IQGAP1: variants seen among roughly 807,000 people sequenced by gnomAD.
The protein encoded by IQGAP1 is ras GTPase-activating-like protein IQGAP1.
Under a neutral mutation model 215.6 loss-of-function variants are expected in IQGAP1, and 66 were observed. The ratio of observed to expected loss-of-function variants is 0.31; its 90% confidence interval spans 0.25 to 0.38. The LOEUF (loss-of-function observed/expected upper bound fraction) is 0.38, where lower values mean the gene tolerates loss of function less well. IQGAP1 is among the 10% of genes least tolerant of loss of function. The probability of loss-of-function intolerance (pLI) is 1.00; values close to 1 mark genes in which losing one functional copy is unlikely to be tolerated. For synonymous variants in IQGAP1, 772 were observed against 728.7 expected, an observed-to-expected ratio of 1.06 and a Z score of -0.96; for missense variants, 1,712 against 1,997.1, an observed-to-expected ratio of 0.86 and a Z score of 2.72.
In IQGAP1 at chr15:90,480,874, G is replaced by T. The variant is rs530742935; in HGVS notation, c.3330-1086G>T. Among the ~76,000 whole-genome samples, 4 of 152,244 alleles carry T rather than the reference G, an allele frequency of 2.6e-5. No homozygotes were observed. The East Asian group carries it at 7.7e-4, about 29-fold the overall frequency. On this transcript the variant is annotated intron_variant, in intron 26 of 37. Transcript: ENST00000268182. Reference sequence around the variant, plus strand: ...GTAAAGATGGGGTTTCTCCATGTTGGCCAGGCTGGTCTCAAACTCCTGACC... The same window carrying T: ...GTAAAGATGGGGTTTCTCCATGTTGTCCAGGCTGGTCTCAAACTCCTGACC...
rs201110512 is a variant in IQGAP1, at chr15:90,472,974, C to T, written c.2313C>T (p.Phe771=). The change falls in exon 19 of 38, where the codon TTC becomes TTT. Residue 771 remains phenylalanine, a synonymous_variant. Coordinates refer to ENST00000268182, the MANE Select transcript of IQGAP1 (RefSeq NM_003870.4). ...VRQEFRSRMN[F]LKKQIPAITC... ...AGGAATTCCGATCCAGGATGAATTT[C>T]CTGAAGAAACAAATCCCTGCCATCA... The T allele has an allele frequency of 1.9e-4, 304 of 1,613,818 alleles. No individual in the cohort carries two copies. The highest frequency in any genetic ancestry group is 2.5e-4 in the Non-Finnish European group (298 of 1,179,960).
chr15:90,396,024 T>A (rs1964714182), intron 2 of IQGAP1, among the ~76,000 whole-genome samples: 1 of 152,224 alleles, frequency 6.6e-6, no homozygotes. Context: ...GTAGGAACGC[T>A]GGCTGGTTGG....
chr15:90,452,804 G>A lies in IQGAP1; in HGVS notation c.1192G>A (p.Ala398Thr), dbSNP rs781205005. The A allele has an allele frequency of 1.2e-6, 2 of 1,613,998 alleles. No homozygotes were observed. The highest frequency in any genetic ancestry group is 1.7e-5 in the Admixed American group (1 of 59,996). The part of the protein sequence containing the change: ...RLAAVALINA[A>T]IQKGVAEKTV... Reference sequence around the variant, plus strand: ...GGCAGCAGTAGCACTGATTAATGCTGCAATCCAGAAGGGTGTTGCTGAGAA... The same window carrying A: ...GGCAGCAGTAGCACTGATTAATGCTACAATCCAGAAGGGTGTTGCTGAGAA... The change falls in exon 12 of 38, where the codon GCA becomes ACA. Residue 398 changes from alanine (A) to threonine (T), a missense_variant. Ala to Thr is a moderately conservative substitution (Grantham distance 58, BLOSUM62 0). Transcript: ENST00000268182.
intron 26 of IQGAP1, among the ~76,000 whole-genome samples, chr15:90,481,269 CTTTT>C (rs57452745): frequency 1.3e-4 from 15 of 113,180 alleles, no homozygotes; most frequent in African/African-American, 3.7e-4. Context: ...CTCTCTGCCT[CTTTT>C]TTTTTTTTTT....
intron 26 of IQGAP1, 47 bp downstream of exon 26, chr15:90,477,936 T>A: frequency 8.3e-7 from 1 of 1,208,442 alleles, no homozygotes; most frequent in Non-Finnish European, 1.2e-6. Flanking sequence ...TTATAGTCTT[T>A]CCCTCTTTTT....
rs763941236 is a variant in IQGAP1, at chr15:90,500,970, TTA to T, written c.*866_*867del. 15 of 152,656 alleles carry T rather than the reference TTA, an allele frequency of 9.8e-5. No individual in the cohort carries two copies. The highest frequency in any genetic ancestry group is 1.6e-4 in the Non-Finnish European group (11 of 68,036). 9.5% of individuals were successfully genotyped at this position (152,656 alleles called of 1,614,324 possible). On this transcript the variant is annotated 3_prime_UTR_variant, in exon 38 of 38. Coordinates refer to ENST00000268182, the MANE Select transcript of IQGAP1 (RefSeq NM_003870.4). ...GAATGTCATTGTTTTTAAAACTGTT[TTA>T]TATCTTAAGAGTGCCTTATTAAAGT...
chr15:90,440,232 C>CG (rs1187572715), intron 6 of IQGAP1, among the ~76,000 whole-genome samples: 3 of 152,174 alleles, frequency 2.0e-5, no homozygotes, highest in Admixed American at 2.0e-4. Flanking sequence ...TAGGAAATGC[C>CG]ATAAGTAGCA....
In IQGAP1 at chr15:90,475,128, A is replaced by G. The variant is rs988610159; in HGVS notation, c.2784+435A>G. ...ATTCTCCTGCCTCAGCCTCCCAAGT[A>G]GCTGGGATTACAGGCGCATGCCACT... On this transcript the variant is annotated intron_variant, in intron 23 of 37. Coordinates refer to ENST00000268182, the MANE Select transcript of IQGAP1 (RefSeq NM_003870.4). Among the ~76,000 whole-genome samples, 62 of 150,338 alleles carry G rather than the reference A, an allele frequency of 4.1e-4. 2 individuals are homozygous for G. Among genetic ancestry groups the G allele is most frequent in the Non-Finnish European group, 2.9e-5 (2 of 67,846 alleles).
intron 15 of IQGAP1, among the ~76,000 whole-genome samples, chr15:90,461,344 A>G (rs1476273805): frequency 3.3e-5 from 5 of 151,990 alleles, no homozygotes; most frequent in Non-Finnish European, 5.9e-5. Context: ...CAGTGTACCA[A>G]TGTTTTTTGT....
intron 18 of IQGAP1, among the ~76,000 whole-genome samples, chr15:90,469,861 T>C (rs1965882004): frequency 1.3e-5 from 2 of 152,120 alleles, no homozygotes; most frequent in Admixed American, 1.3e-4. Context: ...TGAAAGGACA[T>C]GGACCACTGA....
chr15:90,481,465 C>T (rs1234597987), intron 26 of IQGAP1, among the ~76,000 whole-genome samples: 3 of 151,966 alleles, frequency 2.0e-5, no homozygotes, highest in African/African-American at 7.3e-5. Flanking sequence ...TCATGGCCTG[C>T]TCCCTGTCTG....
At chr15:90,436,847 TAAAAG>T (rs1196572851) in intron 5 of IQGAP1, among the ~76,000 whole-genome samples, 1 of 152,230 alleles carries the variant, frequency 6.6e-6, no homozygotes, top group Non-Finnish European at 1.5e-5. Context: ...TAAAGAGAGT[TAAAAG>T]AAAGATGGTG....
At chr15:90,487,642 A>G in intron 33 of IQGAP1, 60 bp downstream of exon 33, 1 of 1,153,270 alleles carries the variant, frequency 8.7e-7, no homozygotes, top group African/African-American at 1.5e-5. Flanking sequence ...CGATAGGCGC[A>G]TGTCAGAGAA....
intron 28 of IQGAP1, 155 bp from the exon 29 acceptor site, chr15:90,483,206 T>G: frequency 1.7e-6 from 1 of 592,852 alleles, no homozygotes; most frequent in Non-Finnish European, 3.0e-6. Context: ...TGAGAGAGAG[T>G]GTGTATATGT....
chr15:90,493,160 C>A (rs1966228910), intron 35 of IQGAP1, among the ~76,000 whole-genome samples: 1 of 151,684 alleles, frequency 6.6e-6, no homozygotes, highest in African/African-American at 2.4e-5. Context: ...GGAGAATTAC[C>A]TGAACCTGGG....
rs1270417008 is a variant in IQGAP1, at chr15:90,496,305, CCTTTTTTTTTTT to C, written c.4752-926_4752-915del. ...TGATCATCCAGAGAACAGCATAATC[CCTTTTTTTTTTT>C]TTTTTTTTTTTTTTTTTTGAGACGG... On this transcript the variant is annotated intron_variant, in intron 36 of 37. Coordinates refer to ENST00000268182, the MANE Select transcript of IQGAP1 (RefSeq NM_003870.4). Among the ~76,000 whole-genome samples the C allele has an allele frequency of 3.8e-3, 446 of 118,190 alleles. 2 individuals are homozygous for C. Among genetic ancestry groups the C allele is most frequent in the Non-Finnish European group, 5.3e-3 (333 of 63,080 alleles). The allele number at this position is 118,190 out of a possible 152,430, so 77.5% of individuals were successfully genotyped here. A position where few individuals can be genotyped will look rare whatever the true frequency, so the allele number is the denominator to read the frequency against.
intron 2 of IQGAP1, among the ~76,000 whole-genome samples, chr15:90,425,205 G>A (rs1965203844): frequency 6.6e-6 from 1 of 152,060 alleles, no homozygotes; most frequent in Non-Finnish European, 1.5e-5. Context: ...AGCTACTCAG[G>A]AAGCTGAGGC....
At chr15:90,396,862 T>C (rs1369136723) in intron 2 of IQGAP1, among the ~76,000 whole-genome samples, 1 of 152,074 alleles carries the variant, frequency 6.6e-6, no homozygotes, top group Non-Finnish European at 1.5e-5. Context: ...AAAATTTTTT[T>C]TTTTTTTGGA....
At chr15:90,491,200 G>C (rs574790914) in intron 33 of IQGAP1, 133 bp from the exon 34 acceptor site, 5 of 684,110 alleles carry the variant, frequency 7.3e-6, no homozygotes, top group Non-Finnish European at 1.2e-5. Flanking sequence ...TTGGCAGGGG[G>C]CAGAATTTGT....
Sources: allele counts gnomAD v4.1 joint callset (sites outside exome capture counted in the v4.1 genomes callset), GRCh38; gene constraint gnomAD v4.1.1; transcripts MANE v1.5; gene names NCBI Gene and HGNC (gene_info 2026-07-23, HGNC 2026-07-21).